Variants in MAST4 observed in about 807,000 individuals in gnomAD.
The protein encoded by MAST4 is microtubule-associated serine/threonine-protein kinase 4.
Under a neutral mutation model 162.7 loss-of-function variants are expected in MAST4, and 89 were observed. The observed-to-expected ratio is 0.55, with a 90% CI of 0.46 to 0.65. The LOEUF is 0.65. Ranked by LOEUF, MAST4 falls within the 30% of genes least tolerant of loss-of-function variation. The probability of loss-of-function intolerance (pLI) is 0.00; values close to 1 mark genes in which losing one functional copy is unlikely to be tolerated. For missense variants in MAST4, 3,153 were observed against 3,374.0 expected (o/e 0.93, Z 1.62); for synonymous variants, 1,479 against 1,361.1 (o/e 1.09, Z -1.91).
intron 1 of MAST4, among the ~76,000 whole-genome samples, chr5:66,597,805 G>A (rs1742298981): frequency 6.6e-6 from 1 of 152,094 alleles, no homozygotes; most frequent in Non-Finnish European, 1.5e-5. Flanking sequence ...GGACTCTGGT[G>A]TCCTTCTGGC....
At chr5:67,144,930 A>G in intron 22 of MAST4, 134 bp downstream of exon 22, 2 of 1,168,390 alleles carry the variant, frequency 1.7e-6, no homozygotes, top group South Asian at 3.2e-5. Flanking sequence ...CTCATCCAGT[A>G]GATCTAGGGT....
intron 4 of MAST4, among the ~76,000 whole-genome samples, chr5:67,046,923 A>G (rs1438251873): frequency 2.0e-5 from 3 of 152,156 alleles, no homozygotes; most frequent in Admixed American, 6.5e-5. Context: ...AATAAGGTCA[A>G]TAATTACATC....
chr5:67,091,303 AG>A (rs1476627901), intron 6 of MAST4, among the ~76,000 whole-genome samples: 1 of 152,196 alleles, frequency 6.6e-6, no homozygotes, highest in Non-Finnish European at 1.5e-5. Flanking sequence ...GATGTAAAAA[AG>A]TTTGTTCTTT....
At chr5:66,791,001 T>C (rs867851077) in intron 3 of MAST4, among the ~76,000 whole-genome samples, 1 of 152,148 alleles carries the variant, frequency 6.6e-6, no homozygotes, top group Non-Finnish European at 1.5e-5. Flanking sequence ...CAGAATAATA[T>C]GTTTTCTTAA....
chr5:66,741,078 C>G (rs1326083490), intron 1 of MAST4, among the ~76,000 whole-genome samples: 1 of 152,174 alleles, frequency 6.6e-6, no homozygotes, highest in African/African-American at 2.4e-5. Flanking sequence ...TGCTTTTTCT[C>G]AAACATACTG....
intron 5 of MAST4, among the ~76,000 whole-genome samples, chr5:67,083,710 A>G (rs1762923913): frequency 6.6e-6 from 1 of 152,220 alleles, no homozygotes; most frequent in Non-Finnish European, 1.5e-5. Flanking sequence ...AGATTAATAG[A>G]ATGAATCAAG....
chr5:66,691,406 A>T (rs537480959), intron 1 of MAST4, among the ~76,000 whole-genome samples: 1 of 152,328 alleles, frequency 6.6e-6, no homozygotes, highest in East Asian at 1.9e-4. Flanking sequence ...TGATGTGCAA[A>T]GACTAAATTG....
intron 1 of MAST4, among the ~76,000 whole-genome samples, chr5:66,612,540 GA>G (rs1364297491): frequency 6.6e-6 from 1 of 152,176 alleles, no homozygotes; most frequent in Non-Finnish European, 1.5e-5. Flanking sequence ...GGGAGGGAAG[GA>G]AGATGCAAAA....
chr5:67,049,043 GTGTATATATATATATACGTATATA>G (rs1757803623), intron 4 of MAST4, among the ~76,000 whole-genome samples: 1 of 54,106 alleles, frequency 1.8e-5, no homozygotes, highest in South Asian at 5.1e-4. Context: ...ATATATATAC[GTGTATATATATATATACGTATATA>G]TATATATATA....
intron 4 of MAST4, among the ~76,000 whole-genome samples, 161 bp downstream of exon 4, chr5:66,900,143 T>C (rs186432741): frequency 6.6e-6 from 1 of 152,128 alleles, no homozygotes; most frequent in Non-Finnish European, 1.5e-5. Context: ...GTAGTAATGA[T>C]TTCATAATTT....
At chr5:66,764,441 T>C (rs552995866) in intron 2 of MAST4, among the ~76,000 whole-genome samples, 1 of 152,270 alleles carries the variant, frequency 6.6e-6, no homozygotes, top group South Asian at 2.1e-4. Context: ...TGATACCTTG[T>C]CCAGGATGCA....
intron 1 of MAST4, among the ~76,000 whole-genome samples, chr5:66,657,351 G>C (rs1746617747): frequency 6.6e-6 from 1 of 152,168 alleles, no homozygotes. Context: ...GTCTCTAATA[G>C]TTTAGCAATC....
intron 4 of MAST4, among the ~76,000 whole-genome samples, chr5:67,010,134 C>T (rs1313798267): frequency 6.6e-6 from 1 of 152,116 alleles, no homozygotes; most frequent in East Asian, 1.9e-4. Context: ...CACTGAATAC[C>T]ACGGGATATT....
chr5:66,980,931 C>T (rs1748730607), intron 4 of MAST4, among the ~76,000 whole-genome samples: 1 of 152,128 alleles, frequency 6.6e-6, no homozygotes, highest in South Asian at 2.1e-4. Context: ...ACAAGTCACC[C>T]CCTCTTACCC....
At chr5:67,158,459 C>T (rs941231145) in intron 26 of MAST4, among the ~76,000 whole-genome samples, 12 of 152,032 alleles carry the variant, frequency 7.9e-5, no homozygotes, top group African/African-American at 2.9e-4. Context: ...GTAATCCCAG[C>T]TACTCAGAGG....
At chr5:67,103,330 A>G (rs540504934) in intron 9 of MAST4, among the ~76,000 whole-genome samples, 1 of 152,324 alleles carries the variant, frequency 6.6e-6, no homozygotes, top group African/African-American at 2.4e-5. Context: ...GTTGCCCTAA[A>G]CAGGAGAACA....
intron 1 of MAST4, among the ~76,000 whole-genome samples, chr5:66,715,389 G>C (rs1032668278): frequency 4.6e-5 from 7 of 151,734 alleles, no homozygotes; most frequent in Non-Finnish European, 8.8e-5. Context: ...GATTTTTTTG[G>C]CATAAATCTC....
At chr5:66,928,702 T>C (rs1427110551) in intron 4 of MAST4, among the ~76,000 whole-genome samples, 1 of 152,108 alleles carries the variant, frequency 6.6e-6, no homozygotes, top group Non-Finnish European at 1.5e-5. Context: ...GCTTTGTATG[T>C]TGTGGAGATT....
At chr5:66,945,495 T>C (rs1300200026) in intron 4 of MAST4, among the ~76,000 whole-genome samples, 1 of 152,102 alleles carries the variant, frequency 6.6e-6, no homozygotes, top group Non-Finnish European at 1.5e-5. Context: ...TGGGGCCTAA[T>C]CCCTGTGCCC....
Sources: allele counts gnomAD v4.1 joint callset (sites outside exome capture counted in the v4.1 genomes callset), GRCh38; gene constraint gnomAD v4.1.1; transcripts MANE v1.5; gene names NCBI Gene and HGNC (gene_info 2026-07-23, HGNC 2026-07-21).